The following MMS19 variants were observed in gnomAD, a reference collection of about 807,000 sequenced individuals.
MMS19 encodes MMS19 nucleotide excision repair protein homolog.
In MMS19, 77 loss-of-function variants were observed where a neutral mutation model predicts 129.8. That is an observed-to-expected ratio of 0.59 (90% CI 0.49 to 0.72). MMS19 has a LOEUF of 0.72. Among genes scored for constraint, MMS19 ranks in the 30% least tolerant of loss-of-function variants. MMS19 has a pLI of 0.00. For synonymous variants in MMS19, 491 were observed against 502.8 expected, an observed-to-expected ratio of 0.98 and a Z score of 0.31; for missense variants, 1,168 against 1,266.3, an observed-to-expected ratio of 0.92 and a Z score of 1.18.
chr10:97,476,654 T>C (rs370588655), intron 8 of MMS19, 29 bp downstream of exon 8: 8 of 1,609,650 alleles, frequency 5.0e-6, no homozygotes, highest in African/African-American at 1.3e-5. Context: ...TCAATAAATA[T>C]ATGATCAAAC....
chr10:97,482,403 A>G (rs560898727), intron 2 of MMS19, among the ~76,000 whole-genome samples: 3 of 152,290 alleles, frequency 2.0e-5, no homozygotes, highest in African/African-American at 7.2e-5. Flanking sequence ...TGAACCCCAA[A>G]AACATGCTAA....
chr10:97,479,833 G>GA (rs892762293), intron 3 of MMS19, among the ~76,000 whole-genome samples: 93 of 139,692 alleles, frequency 6.7e-4, no homozygotes, highest in Middle Eastern at 3.7e-3. Flanking sequence ...GAACAGTTAA[G>GA]AAAAAAAAAA....
chr10:97,460,909 AGAG>A lies in MMS19; in HGVS notation c.2407_2409del (p.Leu803del). 1 of 1,576,960 alleles carries A rather than the reference AGAG, an allele frequency of 6.3e-7. No individual in the cohort carries two copies. Among genetic ancestry groups the A allele is most frequent in the Non-Finnish European group, 8.6e-7 (1 of 1,160,076 alleles). ...CAGACTCCACTCCAACTCCTTACCC[AGAG>A]AAGAAGAGTGAAGGCCTGACTACGA... On this transcript the variant is annotated inframe_deletion, in exon 24 of 31. Coordinates refer to ENST00000438925, the MANE Select transcript of MMS19 (RefSeq NM_022362.5).
In MMS19 at chr10:97,481,008, C is replaced by G; in HGVS notation, c.196G>C (p.Ala66Pro). 1 of 1,608,546 alleles carries G rather than the reference C, an allele frequency of 6.2e-7. No individual in the cohort carries two copies. Among genetic ancestry groups the G allele is most frequent in the African/African-American group, 1.3e-5 (1 of 74,952 alleles). The change falls in exon 3 of 31, where the codon GCA (alanine) becomes CCA (proline). Residue 66 changes from alanine to proline, a missense_variant. Ala to Pro is a conservative substitution (Grantham distance 27). Coordinates refer to ENST00000438925, the MANE Select transcript of MMS19 (RefSeq NM_022362.5). ...SLENPEPRTR[A>P]RAIQLLSQVL... ...TGTGACAAAAGCTGGATTGCTCGTG[C>G]CCGAGTTCGGGGTTCTGGATTCTCT...
At chr10:97,482,735 TATACACACAC>T (rs1315835432) in intron 2 of MMS19, among the ~76,000 whole-genome samples, 15 of 137,864 alleles carry the variant, frequency 1.1e-4, no homozygotes, top group East Asian at 2.4e-4. Context: ...TGTGTATATA[TATACACACAC>T]ACACACACAC....
intron 2 of MMS19, among the ~76,000 whole-genome samples, chr10:97,481,489 G>A (rs1329009501): frequency 1.3e-5 from 2 of 151,642 alleles, no homozygotes; most frequent in Non-Finnish European, 2.9e-5. Flanking sequence ...TAATGCTAAG[G>A]AAAAAAAATT....
At chr10:97,460,579 A>G in intron 25 of MMS19, 116 bp downstream of exon 25, 1 of 926,172 alleles carries the variant, frequency 1.1e-6, no homozygotes, top group Non-Finnish European at 1.7e-6. Context: ...CTCCAAAAAG[A>G]AAAAAGAAAA....
chr10:97,472,232 G>C (rs1213041527), intron 8 of MMS19, among the ~76,000 whole-genome samples: 2 of 152,194 alleles, frequency 1.3e-5, no homozygotes, highest in Non-Finnish European at 2.9e-5. Context: ...ATGAAAACTA[G>C]ATAACTAGGC....
intron 25 of MMS19, 165 bp from the exon 26 acceptor site, chr10:97,460,397 C>T (rs2031446821): frequency 3.0e-6 from 2 of 656,168 alleles, no homozygotes; most frequent in East Asian, 5.5e-5. Flanking sequence ...ATGGCCAAAC[C>T]CAGTTCTTAC....
At chr10:97,474,001 G>C (rs559585455) in intron 8 of MMS19, among the ~76,000 whole-genome samples, 14 of 151,568 alleles carry the variant, frequency 9.2e-5, no homozygotes, top group Non-Finnish European at 1.8e-4. Context: ...ACAATTAGTC[G>C]GGAGTAGTGT....
chr10:97,491,587 C>T (rs563068029), intron 1 of MMS19, among the ~76,000 whole-genome samples: 2 of 152,218 alleles, frequency 1.3e-5, no homozygotes, highest in Non-Finnish European at 2.9e-5. Flanking sequence ...ATTGCTTGAA[C>T]CTGGGAGGCA....
At chr10:97,459,168 C>T in intron 29 of MMS19, 55 bp downstream of exon 29, 2 of 1,554,500 alleles carry the variant, frequency 1.3e-6, no homozygotes, top group Non-Finnish European at 1.7e-6. Context: ...CAAAAAGGTA[C>T]TTATGTGTCT....
chr10:97,483,469 CAGTTTTCT>C (rs934933085), intron 2 of MMS19, among the ~76,000 whole-genome samples: 164 of 152,242 alleles, frequency 1.1e-3, no homozygotes, highest in African/African-American at 3.9e-3. Flanking sequence ...TAATTTCCCC[CAGTTTTCT>C]AGTTTTCTGT....
chr10:97,472,386 C>T lies in MMS19; in HGVS notation c.685-1525G>A, dbSNP rs1420572027. Among the ~76,000 whole-genome samples the T allele has an allele frequency of 4.6e-5, 7 of 152,184 alleles. No homozygotes were observed. In the East Asian group the frequency reaches 1.2e-3, roughly 25 times the overall value. ...CCGAGTGGCTGGGATTACAGGCTCA[C>T]GCCACCATGCCCGGCTAATTTTTTT... On this transcript the variant is annotated intron_variant, in intron 8 of 30. Coordinates refer to ENST00000438925, the MANE Select transcript of MMS19 (RefSeq NM_022362.5).
intron 1 of MMS19, among the ~76,000 whole-genome samples, chr10:97,487,002 C>G (rs1048244771): frequency 1.3e-5 from 2 of 149,902 alleles, no homozygotes; most frequent in Non-Finnish European, 3.0e-5. Flanking sequence ...AAAGTGTACA[C>G]TTTCAACAAA....
intron 2 of MMS19, among the ~76,000 whole-genome samples, chr10:97,482,314 A>G (rs755385880): frequency 9.2e-5 from 14 of 152,268 alleles, no homozygotes; most frequent in Non-Finnish European, 1.9e-4. Flanking sequence ...TAAATGATTA[A>G]ATAATATGCA....
Position 97,462,017 on chromosome 10 carries a change from C to G in MMS19, c.2115G>C (p.Gln705His), listed in dbSNP as rs1483254999. 1.3e-6 allele frequency: 2 copies of G among 1,586,330 alleles called. No homozygotes were observed. The highest frequency in any genetic ancestry group is 2.3e-5 in the South Asian group (2 of 86,650). Residue 705 changes from glutamine to histidine, a missense_variant and splice_region_variant, in exon 21 of 31, where the codon CAG becomes CAC. Gln to His is a conservative substitution (Grantham distance 24). Transcript: ENST00000438925. ...NSFPSRFQPF[Q>H]DGSSGQRRLI... Reference sequence around the variant, plus strand: ...AGGATGTAAGTTCTAAGACTGTTACCTGGAATGGCTGGAATCTGCTCGGGA... The same window carrying G: ...AGGATGTAAGTTCTAAGACTGTTACGTGGAATGGCTGGAATCTGCTCGGGA...
At position 97,458,596 on chromosome 10, in the gene MMS19, T is replaced by C; in HGVS notation, c.*96A>G. The stretch of plus-strand genomic sequence containing the variant: ...TGTGCTGTGTCTGTGGGAAAGGCAG[T>C]CAGAGACCAGTGGTTTCCCTGCTTT... On this transcript the variant is annotated 3_prime_UTR_variant, in exon 31 of 31. Transcript: ENST00000438925. 3 of 1,288,092 alleles carry C rather than the reference T, an allele frequency of 2.3e-6. No individual in the cohort carries two copies. The highest frequency in any genetic ancestry group is 3.2e-6 in the Non-Finnish European group (3 of 931,780). 79.8% of individuals were successfully genotyped at this position (1,288,092 alleles called of 1,614,324 possible). A position where few individuals can be genotyped will look rare whatever the true frequency, so the allele number is the denominator to read the frequency against.
intron 23 of MMS19, 186 bp from the exon 24 acceptor site, chr10:97,461,193 TGCC>T: frequency 1.6e-6 from 1 of 615,670 alleles, no homozygotes; most frequent in African/African-American, 1.8e-5. Flanking sequence ...ACAGAGGTGC[TGCC>T]ATTTGAAAAG....
Sources: allele counts gnomAD v4.1 joint callset (sites outside exome capture counted in the v4.1 genomes callset), GRCh38; gene constraint gnomAD v4.1.1; transcripts MANE v1.5; gene names NCBI Gene and HGNC (gene_info 2026-07-23, HGNC 2026-07-21).